The following DLG2 variants were observed in gnomAD, a reference collection of about 807,000 sequenced individuals.
DLG2 encodes the protein discs large MAGUK scaffold protein 2.
In DLG2, 45 loss-of-function variants were observed where a neutral mutation model predicts 132.5. The observed-to-expected ratio is 0.34, with a 90% CI of 0.27 to 0.44. DLG2 has a LOEUF of 0.44. Among genes scored for constraint, DLG2 ranks in the 20% least tolerant of loss-of-function variants. The pLI is 1.00. For missense variants in DLG2, 1,045 were observed against 1,196.9 expected, an observed-to-expected ratio of 0.87 and a Z score of 1.87; for synonymous variants, 424 against 419.6, an observed-to-expected ratio of 1.01 and a Z score of -0.13.
At chr11:85,184,124 A>G (rs1470175395) in intron 4 of DLG2, among the ~76,000 whole-genome samples, 4 of 151,858 alleles carry the variant, frequency 2.6e-5, no homozygotes, top group South Asian at 2.1e-4. Context: ...ATTCCTCTCA[A>G]CATAGCTTGT....
chr11:85,614,332 T>TAAA (rs777965732), intron 2 of DLG2, among the ~76,000 whole-genome samples: 7,386 of 151,038 alleles, frequency 0.049, 570 homozygotes, highest in African/African-American at 0.17. Context: ...TTTTTTTTTT[T>TAAA]AAAAATTAAC....
Position 83,484,244 on chromosome 11 carries a change from G to C in DLG2, c.2194-16C>G. 6.3e-7 allele frequency: 1 copy of C among 1,588,376 alleles called. No individual in the cohort carries two copies. The highest frequency in any genetic ancestry group is 8.6e-7 in the Non-Finnish European group (1 of 1,160,276). ...CATTGAATGACTGTGAAGGAGAAAA[G>C]GCATGGGGCAAAAACAGGGGACGTC... On this transcript the variant is annotated splice_polypyrimidine_tract_variant and intron_variant, in intron 21 of 27. Coordinates refer to ENST00000376104, the MANE Select transcript of DLG2 (RefSeq NM_001142699.3).
chr11:85,227,269 A>C (rs748805993), intron 4 of DLG2, among the ~76,000 whole-genome samples: 7 of 152,124 alleles, frequency 4.6e-5, no homozygotes, highest in Non-Finnish European at 1.0e-4. Context: ...TTAAGTTATA[A>C]ATAAAGATTA....
At chr11:84,792,117 AGTTTTTTGAG>A (rs1399963646) in intron 6 of DLG2, among the ~76,000 whole-genome samples, 1 of 152,040 alleles carries the variant, frequency 6.6e-6, no homozygotes, top group East Asian at 1.9e-4. Flanking sequence ...TTCTATACCC[AGTTTTTTGAG>A]GGTTTTTATC....
Position 83,551,871 on chromosome 11 carries a change from C to T in DLG2, c.1941-10013G>A, listed in dbSNP as rs113834934. Among the ~76,000 whole-genome samples, 784 of 152,210 alleles carry T rather than the reference C, an allele frequency of 5.2e-3. 6 individuals carry two copies. Among genetic ancestry groups the T allele is most frequent in the African/African-American group, 0.018 (763 of 41,530 alleles). The stretch of plus-strand genomic sequence containing the variant: ...TTCATAGTCTCTACTATGTGCCAGG[C>T]ACTCTATAGTTTGTTGGGACTCAGC... On this transcript the variant is annotated intron_variant, in intron 19 of 27. Transcript: ENST00000376104.
At chr11:84,140,645 A>G (rs1384123770) in intron 9 of DLG2, among the ~76,000 whole-genome samples, 1 of 152,148 alleles carries the variant, frequency 6.6e-6, no homozygotes, top group Non-Finnish European at 1.5e-5. Flanking sequence ...AGCAGGGAGA[A>G]GTATGGCTTA....
chr11:85,159,378 G>A (rs2077855660), intron 4 of DLG2, among the ~76,000 whole-genome samples: 1 of 152,214 alleles, frequency 6.6e-6, no homozygotes, highest in Admixed American at 6.5e-5. Context: ...TAGAGTGAGG[G>A]CTATTATGGT....
At chr11:83,707,869 A>G (rs1020847952) in intron 18 of DLG2, among the ~76,000 whole-genome samples, 1 of 152,216 alleles carries the variant, frequency 6.6e-6, no homozygotes, top group Admixed American at 6.5e-5. Flanking sequence ...AAAATTTTCC[A>G]GAAGGCAGAA....
intron 22 of DLG2, chr11:83,480,532 A>G: frequency 6.6e-7 from 1 of 1,515,580 alleles, no homozygotes; most frequent in Non-Finnish European, 8.9e-7. Flanking sequence ...TAAAAGCCGC[A>G]GAGGAGGCTG....
chr11:84,642,798 C>A (rs1594698595), intron 6 of DLG2, among the ~76,000 whole-genome samples: 1 of 152,060 alleles, frequency 6.6e-6, no homozygotes, highest in Non-Finnish European at 1.5e-5. Context: ...AGTCAAGGTG[C>A]CCAATTTTGT....
intron 18 of DLG2, among the ~76,000 whole-genome samples, chr11:83,708,727 T>C (rs952884872): frequency 3.3e-5 from 5 of 152,166 alleles, no homozygotes; most frequent in East Asian, 1.9e-4. Context: ...TACATTTAGA[T>C]TCTGCAGACT....
At chr11:83,691,046 T>C (rs1461457941) in intron 18 of DLG2, among the ~76,000 whole-genome samples, 1 of 152,184 alleles carries the variant, frequency 6.6e-6, no homozygotes. Context: ...CTTGTGTATA[T>C]GACTGGAGTC....
At chr11:84,800,064 T>A (rs1318354008) in intron 6 of DLG2, among the ~76,000 whole-genome samples, 1 of 152,164 alleles carries the variant, frequency 6.6e-6, no homozygotes, top group Non-Finnish European at 1.5e-5. Flanking sequence ...GGTGAATGCA[T>A]TATGGATATC....
chr11:84,238,479 C>T (rs1164789647), intron 8 of DLG2, among the ~76,000 whole-genome samples: 7 of 151,304 alleles, frequency 4.6e-5, no homozygotes, highest in Non-Finnish European at 8.8e-5. Flanking sequence ...CTGATGGCAC[C>T]ACTGCACTCT....
At chr11:83,643,803 G>C (rs1342460250) in intron 18 of DLG2, 1 of 151,912 alleles carries the variant, frequency 6.6e-6, no homozygotes. Flanking sequence ...CAGCAAAGCT[G>C]GGACTCAAAC....
chr11:85,600,386 T>G (rs1231606800), intron 2 of DLG2, among the ~76,000 whole-genome samples: 1 of 152,176 alleles, frequency 6.6e-6, no homozygotes, highest in African/African-American at 2.4e-5. Flanking sequence ...TGAAAACACT[T>G]TTTTCACTAG....
chr11:84,894,071 A>C (rs1220463262), intron 6 of DLG2, among the ~76,000 whole-genome samples: 1 of 152,008 alleles, frequency 6.6e-6, no homozygotes, highest in Admixed American at 6.6e-5. Context: ...AGGTTCTATA[A>C]ATCTATGTAT....
intron 6 of DLG2, among the ~76,000 whole-genome samples, chr11:84,864,768 T>C (rs2084286809): frequency 6.6e-6 from 1 of 152,130 alleles, no homozygotes; most frequent in African/African-American, 2.4e-5. Flanking sequence ...GAGCCATTTA[T>C]ACTACCCGGG....
At chr11:84,724,945 G>A (rs1362209944) in intron 6 of DLG2, among the ~76,000 whole-genome samples, 1 of 152,156 alleles carries the variant, frequency 6.6e-6, no homozygotes, top group East Asian at 1.9e-4. Flanking sequence ...GGCTGAATAT[G>A]CAGCAGATCT....
Sources: gnomAD v4.1 joint callset for allele counts (sites outside exome capture counted in the v4.1 genomes callset) on GRCh38, gnomAD v4.1.1 for gene constraint, MANE v1.5 for transcripts, NCBI Gene and HGNC (gene_info 2026-07-23, HGNC 2026-07-21) for gene names.